Variants in MAST3 observed in about 807,000 individuals in gnomAD.
MAST3 encodes microtubule associated serine/threonine kinase 3, also known as microtubule-associated serine/threonine-protein kinase 3.
MAST3 carries 43 observed loss-of-function variants against 127.0 expected under a neutral mutation model. That is an observed-to-expected ratio of 0.34 (90% CI 0.27 to 0.44). The LOEUF (loss-of-function observed/expected upper bound fraction) is 0.44. Among genes scored for constraint, MAST3 ranks in the 20% least tolerant of loss-of-function variants. The pLI is 1.00. For synonymous variants in MAST3, 785 were observed against 809.2 expected (o/e 0.97, Z 0.51); for missense variants, 1,390 against 1,919.1 (o/e 0.72, Z 5.15).
chr19:18,105,170 C>T (rs1030183574), intron 1 of MAST3, among the ~76,000 whole-genome samples: 10 of 151,256 alleles, frequency 6.6e-5, no homozygotes, highest in African/African-American at 2.2e-4. Flanking sequence ...AGTTCGAGAC[C>T]AGCCTGGGCA....
chr19:18,123,590 G>C lies in MAST3; in HGVS notation c.568G>C (p.Ala190Pro), dbSNP rs1327476694. ...CTGTCTTCCTTTCAGCCCGGGCCGT[G>C]CAACGGGGACCTTCGACAATGAGAT... ...PRSRSLSPGR[A>P]TGTFDNEIVM... The change falls in exon 8 of 28, where the codon GCA becomes CCA. Residue 190 changes from alanine (A) to proline (P), a missense_variant. By Grantham distance (27) the Ala-to-Pro change is conservative. Transcript: ENST00000687212. 2 of 1,585,828 alleles carry C rather than the reference G, an allele frequency of 1.3e-6. No individual in the cohort carries two copies. Among genetic ancestry groups the C allele is most frequent in the African/African-American group, 2.7e-5 (2 of 74,286 alleles).
intron 1 of MAST3, among the ~76,000 whole-genome samples, chr19:18,100,374 C>T (rs1414893612): frequency 1.3e-5 from 2 of 151,950 alleles, no homozygotes; most frequent in Non-Finnish European, 2.9e-5. Context: ...GATCCGCCCA[C>T]CTCGGCCTCC....
At chr19:18,141,005 G>A (rs1340485760) in intron 20 of MAST3, among the ~76,000 whole-genome samples, 3 of 151,992 alleles carry the variant, frequency 2.0e-5, no homozygotes, top group Non-Finnish European at 4.4e-5. Flanking sequence ...TGTTGCCCAG[G>A]CTGGTCTCAA....
chr19:18,124,002 C>A lies in MAST3; in HGVS notation c.697C>A (p.Leu233Met). 1 of 1,594,554 alleles carries A rather than the reference C, an allele frequency of 6.3e-7. No homozygotes were observed. Among genetic ancestry groups the A allele is most frequent in the Non-Finnish European group, 8.5e-7 (1 of 1,171,720 alleles). Residue 233 changes from leucine to methionine, a missense_variant, in exon 9 of 28, where the codon CTG (leucine) becomes ATG (methionine). Physicochemically the swap from Leu to Met is conservative, Grantham distance 15. This residue lies in a region of MAST3 where 277 missense variants were observed against 384.8 expected (regional missense o/e 0.72). Transcript: ENST00000687212. ...GACGGCCTACGCGCCCGGCGCCCGG[C>A]TGGCGCTGGCTGATGGCGTCTTGGG... ...FLTAYAPGARLALADGVLGFI... is the reference protein window; with the variant it reads ...FLTAYAPGARMALADGVLGFI...
At chr19:18,128,131 G>A (rs1463692327) in intron 11 of MAST3, among the ~76,000 whole-genome samples, 1 of 152,192 alleles carries the variant, frequency 6.6e-6, no homozygotes, top group African/African-American at 2.4e-5. Context: ...GTCTCATCCC[G>A]TCTTCACAGG....
At position 18,124,304 on chromosome 19, in the gene MAST3, G is replaced by T; in HGVS notation, c.883G>T (p.Val295Phe). 4 of 1,609,396 alleles carry T rather than the reference G, an allele frequency of 2.5e-6. No homozygotes were observed. The highest frequency in any genetic ancestry group is 3.4e-6 in the Non-Finnish European group (4 of 1,177,842). ...GGACAGTGAGGAGGTCAGCTTCATC[G>T]TCCAGCTTGTCCGGAAACTGCTGAT... ...RSDSEEVSFI[V>F]QLVRKLLIII... Residue 295 changes from valine (V) to phenylalanine (F), a missense_variant, in exon 10 of 28, where the codon GTC (valine) becomes TTC (phenylalanine). Val to Phe is a conservative substitution (Grantham distance 50). This residue lies in a region of MAST3 where 277 missense variants were observed against 384.8 expected (regional missense o/e 0.72). Transcript: ENST00000687212.
intron 1 of MAST3, among the ~76,000 whole-genome samples, chr19:18,100,314 C>T (rs1229988662): frequency 2.0e-5 from 3 of 151,564 alleles, no homozygotes; most frequent in African/African-American, 4.8e-5. Flanking sequence ...TTAGTAGAGA[C>T]GGGGTTTCGC....
intron 1 of MAST3, among the ~76,000 whole-genome samples, chr19:18,101,477 G>A (rs2037614731): frequency 6.6e-6 from 1 of 151,936 alleles, no homozygotes; most frequent in Non-Finnish European, 1.5e-5. Flanking sequence ...ACCGGGCTTG[G>A]TGCCCAGCAG....
At chr19:18,139,233 G>A in intron 20 of MAST3, 109 bp downstream of exon 20, 1 of 799,268 alleles carries the variant, frequency 1.3e-6, no homozygotes, top group Non-Finnish European at 2.1e-6. Context: ...TAGAGATGAG[G>A]TCTTGCTATG....
chr19:18,111,761 T>A (rs1235456238), intron 3 of MAST3, among the ~76,000 whole-genome samples: 6 of 152,030 alleles, frequency 3.9e-5, no homozygotes, highest in Non-Finnish European at 8.8e-5. Flanking sequence ...CGCAAACCCC[T>A]CTGCCTCAGC....
chr19:18,105,552 A>AG (rs2038004793), intron 1 of MAST3, among the ~76,000 whole-genome samples: 2 of 150,154 alleles, frequency 1.3e-5, no homozygotes, highest in Admixed American at 1.3e-4. Flanking sequence ...AAAAAAAAAA[A>AG]GTCCCAGCTA....
chr19:18,124,957 A>C (rs2040431568), intron 11 of MAST3, among the ~76,000 whole-genome samples, 183 bp downstream of exon 11: 1 of 148,446 alleles, frequency 6.7e-6, no homozygotes, highest in Non-Finnish European at 1.5e-5. Context: ...AAATACAAAA[A>C]TTAGCTAAGT....
intron 1 of MAST3, among the ~76,000 whole-genome samples, chr19:18,102,643 A>C (rs927182708): frequency 2.0e-5 from 3 of 151,508 alleles, no homozygotes; most frequent in Admixed American, 1.3e-4. Context: ...CACCACATCC[A>C]GCTAATTTTT....
At chr19:18,131,837 G>A (rs955934281) in intron 14 of MAST3, 72 bp from the exon 15 acceptor site, 1 of 1,498,130 alleles carries the variant, frequency 6.7e-7, no homozygotes, top group East Asian at 2.5e-5. Flanking sequence ...CATAGGCATT[G>A]GGCATAACCT....
At chr19:18,122,081 C>T (rs2147178032) in intron 5 of MAST3, 159 bp downstream of exon 5, 1 of 985,344 alleles carries the variant, frequency 1.0e-6, no homozygotes, top group South Asian at 4.7e-5. Flanking sequence ...GGCTCCCATT[C>T]CCGGCAAATG....
At chr19:18,143,718 G>C (rs753367260) in intron 21 of MAST3, 45 bp from the exon 22 acceptor site, 2 of 1,608,766 alleles carry the variant, frequency 1.2e-6, no homozygotes, top group East Asian at 2.2e-5. Flanking sequence ...GTATCCTGGG[G>C]TGCAGGTGCC....
At chr19:18,109,445 C>T (rs1043187469) in intron 2 of MAST3, among the ~76,000 whole-genome samples, 1 of 152,096 alleles carries the variant, frequency 6.6e-6, no homozygotes, top group African/African-American at 2.4e-5. Context: ...TGAGGACTGC[C>T]GAGGGCAAAG....
chr19:18,121,155 C>T lies in MAST3; in HGVS notation c.162-530C>T, dbSNP rs953188108. Among the ~76,000 whole-genome samples, 13 of 152,122 alleles carry T rather than the reference C, an allele frequency of 8.5e-5. No homozygotes were observed. In the South Asian group the frequency reaches 1.7e-3, roughly 19 times the overall value. ...ACAGGGATGAGCCACTGTGCCCAGC[C>T]TTGTTTTTGTTTTTTTAAGAGAGAG... On this transcript the variant is annotated intron_variant, in intron 3 of 27. Coordinates refer to ENST00000687212, the MANE Select transcript of MAST3 (RefSeq NM_001393504.1).
At chr19:18,136,532 C>T (rs1471697694) in intron 18 of MAST3, among the ~76,000 whole-genome samples, 4 of 152,264 alleles carry the variant, frequency 2.6e-5, no homozygotes. Flanking sequence ...CCTCCCACCT[C>T]AGCCTCCCGA....
Sources: gnomAD v4.1 joint callset for allele counts (sites outside exome capture counted in the v4.1 genomes callset) on GRCh38, gnomAD v4.1.1 for gene constraint, gnomAD v4.1.1 regional missense constraint, MANE v1.5 for transcripts, NCBI Gene and HGNC (gene_info 2026-07-23, HGNC 2026-07-21) for gene names.